Variants in IFT80 observed in about 807,000 individuals in gnomAD.
IFT80 encodes intraflagellar transport protein 80 homolog.
A neutral mutation model predicts 107.9 loss-of-function variants in IFT80; 79 were observed. The ratio of observed to expected loss-of-function variants is 0.73; its 90% CI spans 0.61 to 0.88. IFT80 has a LOEUF of 0.88. Ranked by LOEUF, IFT80 falls within the 40% of genes least tolerant of loss-of-function variation. The pLI is 0.00. For synonymous variants in IFT80, 299 were observed against 300.9 expected, an observed-to-expected ratio of 0.99 and a Z score of 0.07; for missense variants, 797 against 914.2, an observed-to-expected ratio of 0.87 and a Z score of 1.65.
rs1397736444 is a variant in IFT80, at chr3:160,277,320, G to C, written c.2085C>G (p.Leu695=). Residue 695 remains leucine (L), a synonymous_variant, in exon 18 of 20, where the codon CTC becomes CTG. Transcript: ENST00000326448. The part of the protein sequence containing the change: ...VYQAIQININ[L]YNWERALELA... ...ATTCTTATTACCTTTCCCAGTTGTA[G>C]AGATTAATATTGATCTGGATTGCTT... 3.1e-6 allele frequency: 5 copies of C among 1,612,470 alleles called. No homozygotes were observed. In the African/African-American group the frequency reaches 6.7e-5, roughly 22 times the overall value.
intron 8 of IFT80, chr3:160,343,667 A>G: frequency 4.7e-6 from 1 of 210,792 alleles, no homozygotes; most frequent in Non-Finnish European, 9.8e-6. Flanking sequence ...GTAATGTACA[A>G]TTAGTTTCTA....
rs1021549814 is a variant in IFT80, at chr3:160,257,327, C to T, written c.*1198G>A. Reference sequence around the variant, plus strand: ...TATATATATATATATCATACATAATCCCATATCTATGCATCTATACCCACC... The same window carrying T: ...TATATATATATATATCATACATAATTCCATATCTATGCATCTATACCCACC... On this transcript the variant is annotated 3_prime_UTR_variant, in exon 20 of 20. Coordinates refer to ENST00000326448, the MANE Select transcript of IFT80 (RefSeq NM_020800.3). 7 of 151,966 alleles carry T rather than the reference C, an allele frequency of 4.6e-5. No individual in the cohort carries two copies. The highest frequency in any genetic ancestry group is 1.5e-4 in the African/African-American group (6 of 41,378). The allele number at this position is 151,966 out of a possible 1,614,324, so 9.4% of individuals were successfully genotyped here. A position where few individuals can be genotyped will look rare whatever the true frequency, so the allele number is the denominator to read the frequency against.
chr3:160,308,689 A>G (rs1717008295), intron 9 of IFT80, among the ~76,000 whole-genome samples: 1 of 152,188 alleles, frequency 6.6e-6, no homozygotes, highest in Admixed American at 6.5e-5. Context: ...AAAAGTATGG[A>G]AAGAAAAATA....
At chr3:160,341,168 G>C (rs1490318928) in intron 8 of IFT80, among the ~76,000 whole-genome samples, 1 of 151,964 alleles carries the variant, frequency 6.6e-6, no homozygotes, top group African/African-American at 2.4e-5. Flanking sequence ...ACCACACTTG[G>C]CTGATTCTTT....
At chr3:160,265,241 C>T (rs1037107634) in intron 19 of IFT80, among the ~76,000 whole-genome samples, 7 of 152,142 alleles carry the variant, frequency 4.6e-5, no homozygotes, top group African/African-American at 1.7e-4. Context: ...AATAATTACC[C>T]AGCAAATCAG....
chr3:160,332,807 C>CTTCACTTACTAACTTCACTTACTTACT (rs1411981217), intron 8 of IFT80, among the ~76,000 whole-genome samples: 1 of 152,142 alleles, frequency 6.6e-6, no homozygotes, highest in Non-Finnish European at 1.5e-5. Context: ...TTACTAACTG[C>CTTCACTTACTAACTTCACTTACTTACT]AATAGTTTTA....
chr3:160,323,061 T>C (rs1393718449), intron 8 of IFT80, among the ~76,000 whole-genome samples: 2 of 151,728 alleles, frequency 1.3e-5, no homozygotes, highest in African/African-American at 2.4e-5. Flanking sequence ...TTTGTCAATT[T>C]TGGCTTTTGT....
At chr3:160,330,269 G>A (rs963584643) in intron 8 of IFT80, among the ~76,000 whole-genome samples, 1 of 152,134 alleles carries the variant, frequency 6.6e-6, no homozygotes, top group Non-Finnish European at 1.5e-5. Flanking sequence ...GTGTTTAAAA[G>A]TTCTCTAGGT....
intron 19 of IFT80, among the ~76,000 whole-genome samples, chr3:160,265,015 C>T (rs1181288765): frequency 1.3e-5 from 2 of 152,118 alleles, no homozygotes; most frequent in African/African-American, 4.8e-5. Context: ...GGTCAGGACC[C>T]CCATTCATAA....
intron 18 of IFT80, among the ~76,000 whole-genome samples, chr3:160,276,392 C>T (rs1402292075): frequency 3.3e-5 from 5 of 152,084 alleles, no homozygotes; most frequent in Non-Finnish European, 7.4e-5. Context: ...GATAAAATAT[C>T]TATAGAAATT....
chr3:160,334,605 C>T (rs551583090), intron 8 of IFT80, among the ~76,000 whole-genome samples: 5 of 151,924 alleles, frequency 3.3e-5, no homozygotes, highest in Admixed American at 6.6e-5. Flanking sequence ...TTAGTAGAGA[C>T]GGGGTTTCAC....
intron 8 of IFT80, among the ~76,000 whole-genome samples, chr3:160,343,449 T>C (rs1485701962): frequency 6.6e-6 from 1 of 152,162 alleles, no homozygotes; most frequent in African/African-American, 2.4e-5. Flanking sequence ...TAATATAGTA[T>C]AATTCATTAA....
chr3:160,382,362 C>T (rs145787244), intron 2 of IFT80, among the ~76,000 whole-genome samples: 1 of 152,054 alleles, frequency 6.6e-6, no homozygotes, highest in East Asian at 1.9e-4. Context: ...TTGACAATAC[C>T]AAACTTTCCT....
At chr3:160,391,881 A>G (rs764532027) in intron 1 of IFT80, among the ~76,000 whole-genome samples, 1 of 152,216 alleles carries the variant, frequency 6.6e-6, no homozygotes, top group Non-Finnish European at 1.5e-5. Flanking sequence ...TACTGTCATC[A>G]ACAGCTAATC....
intron 8 of IFT80, among the ~76,000 whole-genome samples, chr3:160,339,561 C>G (rs1229815261): frequency 6.6e-6 from 1 of 152,104 alleles, no homozygotes; most frequent in Admixed American, 6.6e-5. Flanking sequence ...TTCTATTTTT[C>G]TCTAATTCTA....
intron 8 of IFT80, among the ~76,000 whole-genome samples, chr3:160,327,459 G>C (rs1437900843): frequency 1.3e-5 from 2 of 152,074 alleles, no homozygotes; most frequent in Non-Finnish European, 2.9e-5. Context: ...AAAACAGCAA[G>C]GTACTGGTAC....
chr3:160,271,665 C>A (rs1713817679), intron 18 of IFT80, among the ~76,000 whole-genome samples: 3 of 152,060 alleles, frequency 2.0e-5, no homozygotes, highest in African/African-American at 7.2e-5. Flanking sequence ...CTATGCTTCT[C>A]AAGTGGAATA....
intron 5 of IFT80, among the ~76,000 whole-genome samples, 196 bp from the exon 6 acceptor site, chr3:160,366,348 T>C (rs778921730): frequency 1.3e-5 from 2 of 152,048 alleles, no homozygotes; most frequent in Non-Finnish European, 1.5e-5. Context: ...CCTTTGAAAA[T>C]CTACTGTGAG....
At chr3:160,282,431 T>A (rs937000156) in intron 14 of IFT80, 47 bp downstream of exon 14, 1 of 1,256,486 alleles carries the variant, frequency 8.0e-7, no homozygotes, top group Non-Finnish European at 1.1e-6. Context: ...ACAGCAAATA[T>A]AAGAAAGTTG....
Sources: allele counts gnomAD v4.1 joint callset (sites outside exome capture counted in the v4.1 genomes callset), GRCh38; gene constraint gnomAD v4.1.1; transcripts MANE v1.5; gene names NCBI Gene and HGNC (gene_info 2026-07-23, HGNC 2026-07-21).